Variants in PREX1 observed in about 807,000 individuals in gnomAD.
PREX1 encodes the protein phosphatidylinositol 3,4,5-trisphosphate-dependent Rac exchanger 1 protein.
Under a neutral mutation model 198.3 loss-of-function variants are expected in PREX1, and 41 were observed. The observed-to-expected ratio is 0.21, with a 90% CI of 0.16 to 0.27. The LOEUF (loss-of-function observed/expected upper bound fraction) is 0.27. Ranked by LOEUF, PREX1 falls within the 10% of genes least tolerant of loss-of-function variation. The pLI, the probability that PREX1 is intolerant of heterozygous loss-of-function variation, is 1.00. For missense variants in PREX1, 1,620 were observed against 2,200.7 expected (o/e 0.74, Z 5.28); for synonymous variants, 843 against 887.2 (o/e 0.95, Z 0.89).
At chr20:48,665,927 C>T (rs1451942933) in intron 15 of PREX1, among the ~76,000 whole-genome samples, 3 of 152,216 alleles carry the variant, frequency 2.0e-5, no homozygotes, top group African/African-American at 4.8e-5. Context: ...CACTGTCCCA[C>T]AGGGCACAGC....
intron 5 of PREX1, among the ~76,000 whole-genome samples, 168 bp downstream of exon 5, chr20:48,726,122 G>A (rs894648466): frequency 7.9e-5 from 12 of 152,220 alleles, no homozygotes; most frequent in Admixed American, 2.6e-4. Context: ...AAGCCTGAAT[G>A]GTGGAAAGCA....
the PREX1 span, among the ~76,000 whole-genome samples, chr20:48,862,925 G>A: frequency 6.6e-6 from 1 of 150,560 alleles, no homozygotes; most frequent in South Asian, 2.1e-4. Flanking sequence ...AGGCTCAAAC[G>A]ATCCTCCCAC....
intron 1 of PREX1, among the ~76,000 whole-genome samples, chr20:48,765,541 C>T (rs2090204398): frequency 6.6e-6 from 1 of 152,192 alleles, no homozygotes; most frequent in African/African-American, 2.4e-5. Context: ...TACTGCATGC[C>T]AATGCCAGGG....
At chr20:48,787,896 T>G (rs1335960926) in intron 1 of PREX1, among the ~76,000 whole-genome samples, 1 of 152,196 alleles carries the variant, frequency 6.6e-6, no homozygotes, top group East Asian at 1.9e-4. Flanking sequence ...GGCTGTGGTT[T>G]GTTTTATCTT....
At chr20:48,881,179 G>A in the PREX1 span, among the ~76,000 whole-genome samples, 4 of 151,986 alleles carry the variant, frequency 2.6e-5, no homozygotes, top group South Asian at 2.1e-4. Flanking sequence ...GGAGTATAGC[G>A]AAAACCAGAT....
intron 5 of PREX1, among the ~76,000 whole-genome samples, chr20:48,712,848 G>A (rs1249610451): frequency 9.2e-5 from 14 of 152,218 alleles, no homozygotes; most frequent in African/African-American, 2.9e-4. Flanking sequence ...AAGAAGTAAC[G>A]GCCACAGTGG....
At chr20:48,770,953 C>T (rs148221775) in intron 1 of PREX1, among the ~76,000 whole-genome samples, 1 of 152,218 alleles carries the variant, frequency 6.6e-6, no homozygotes, top group African/African-American at 2.4e-5. Context: ...TAACATGCTT[C>T]CCCAGGCACC....
chr20:48,666,200 G>T lies in PREX1; in HGVS notation c.1738+83C>A. On this transcript the variant is annotated intron_variant, in intron 15 of 39. Coordinates refer to ENST00000371941, the MANE Select transcript of PREX1 (RefSeq NM_020820.4). This position sits in a 1 kb window ranked among gnomAD's most constrained non-coding sequence, Gnocchi z 4.3. The stretch of plus-strand genomic sequence containing the variant: ...GGGGGTCTAGAGAGCCACAGACCTG[G>T]CTTCAGTCCTCCCATACTCCCCCAA... 7.2e-7 allele frequency: 1 copy of T among 1,386,436 alleles called. No homozygotes were observed. The highest frequency in any genetic ancestry group is 9.9e-7 in the Non-Finnish European group (1 of 1,009,922). 85.9% of individuals were successfully genotyped at this position (1,386,436 alleles called of 1,614,324 possible). A position where few individuals can be genotyped will look rare whatever the true frequency, so the allele number is the denominator to read the frequency against.
At chr20:48,816,967 G>T (rs538168570) in intron 1 of PREX1, among the ~76,000 whole-genome samples, 1 of 152,104 alleles carries the variant, frequency 6.6e-6, no homozygotes, top group Non-Finnish European at 1.5e-5. Flanking sequence ...TAACTAATAC[G>T]CCATCTCTGT....
intron 7 of PREX1, among the ~76,000 whole-genome samples, chr20:48,697,605 C>T (rs1302524913): frequency 3.3e-5 from 5 of 152,084 alleles, no homozygotes; most frequent in East Asian, 3.9e-4. Context: ...AGGATGGCCT[C>T]GATCTTCTGA....
chr20:48,687,435 T>A (rs2089791781), intron 10 of PREX1, among the ~76,000 whole-genome samples: 1 of 152,244 alleles, frequency 6.6e-6, no homozygotes, highest in Admixed American at 6.5e-5. Flanking sequence ...TGCTGTTGCC[T>A]TTCAAGTTAT....
At chr20:48,771,173 AATT>A (rs1364985987) in intron 1 of PREX1, among the ~76,000 whole-genome samples, 1 of 151,592 alleles carries the variant, frequency 6.6e-6, no homozygotes, top group African/African-American at 2.4e-5. Flanking sequence ...GGTTGCACAT[AATT>A]TTGCATGTCA....
chr20:48,737,124 T>C (rs957469536), intron 3 of PREX1, among the ~76,000 whole-genome samples: 1 of 151,648 alleles, frequency 6.6e-6, no homozygotes, highest in African/African-American at 2.4e-5. Context: ...TTAATAATGT[T>C]GTTGCTATTA....
At chr20:48,642,340 C>A in intron 28 of PREX1, 67 bp downstream of exon 28, 1 of 1,604,238 alleles carries the variant, frequency 6.2e-7, no homozygotes, top group South Asian at 1.1e-5. Flanking sequence ...GCCCCCGGGT[C>A]ATGGGCCCTC....
chr20:48,831,485 C>G (rs752378640), upstream of PREX1, among the ~76,000 whole-genome samples: 74 of 152,296 alleles, frequency 4.9e-4, no homozygotes, highest in South Asian at 1.2e-3. Flanking sequence ...ACTGAGCACC[C>G]CAACAGCTGA....
chr20:48,864,072 T>TG, the PREX1 span, among the ~76,000 whole-genome samples: 1 of 152,228 alleles, frequency 6.6e-6, no homozygotes, highest in African/African-American at 2.4e-5. Flanking sequence ...AACAAAGGCT[T>TG]ATACATTTTT....
At chr20:48,774,102 G>A (rs2090249913) in intron 1 of PREX1, among the ~76,000 whole-genome samples, 1 of 152,196 alleles carries the variant, frequency 6.6e-6, no homozygotes, top group African/African-American at 2.4e-5. Flanking sequence ...TATTGAGACA[G>A]GAAGACTGTG....
intron 1 of PREX1, among the ~76,000 whole-genome samples, chr20:48,761,525 C>G (rs542198078): frequency 6.6e-6 from 1 of 151,906 alleles, no homozygotes; most frequent in Non-Finnish European, 1.5e-5. Flanking sequence ...TCTCACCCCA[C>G]CCCGCCCCGT....
chr20:48,687,292 C>T (rs1658604475), intron 10 of PREX1, among the ~76,000 whole-genome samples: 1 of 152,260 alleles, frequency 6.6e-6, no homozygotes, highest in African/African-American at 2.4e-5. Flanking sequence ...TCCACAACTG[C>T]ACTCGTGGGC....
Sources: gnomAD v4.1 joint callset for allele counts (sites outside exome capture counted in the v4.1 genomes callset) on GRCh38, gnomAD v4.1.1 for gene constraint, Gnocchi (gnomAD v3.1) non-coding constraint, MANE v1.5 for transcripts, NCBI Gene and HGNC (gene_info 2026-07-23, HGNC 2026-07-21) for gene names.